ZC3H12B: variants seen among roughly 807,000 people sequenced by gnomAD.
ZC3H12B encodes zinc finger CCCH-type containing 12B.
Under a neutral mutation model 43.9 loss-of-function variants are expected in ZC3H12B, and 7 were observed. The observed-to-expected ratio is 0.16, with a 90% confidence interval of 0.09 to 0.30. The LOEUF (loss-of-function observed/expected upper bound fraction) is 0.30, where lower values mean the gene tolerates loss of function less well. ZC3H12B is among the 10% of genes least tolerant of loss of function. The pLI is 1.00. For missense variants in ZC3H12B, 475 were observed against 670.2 expected (o/e 0.71, Z 3.22); for synonymous variants, 222 against 241.7 (o/e 0.92, Z 0.76).
the ZC3H12B span, among the ~76,000 whole-genome samples, chrX:65,241,392 C>A: frequency 9.0e-6 from 1 of 110,548 alleles, no homozygotes; most frequent in South Asian, 3.9e-4. Flanking sequence ...CACCTGGACT[C>A]CCTGGAGCCG....
At chrX:65,218,904 C>A in the ZC3H12B span, among the ~76,000 whole-genome samples, 1 of 111,808 alleles carries the variant, frequency 8.9e-6, no homozygotes, top group African/African-American at 3.3e-5. Context: ...AACCAAGGAC[C>A]CTCACAGAGT....
chrX:65,058,026 G>A, the ZC3H12B span, among the ~76,000 whole-genome samples: 5 of 111,772 alleles, frequency 4.5e-5, no homozygotes, highest in Non-Finnish European at 3.8e-5. Context: ...CGATGTGTTC[G>A]AACTTCCTCC....
At chrX:65,174,288 T>C in the ZC3H12B span, among the ~76,000 whole-genome samples, 4 of 112,187 alleles carry the variant, frequency 3.6e-5, no homozygotes, top group Admixed American at 3.8e-4. Flanking sequence ...GTTGGAAGAA[T>C]ACTCCTTGTT....
At chrX:65,176,050 A>T in the ZC3H12B span, among the ~76,000 whole-genome samples, 3 of 108,551 alleles carry the variant, frequency 2.8e-5, no homozygotes, top group African/African-American at 1.0e-4. Flanking sequence ...ACCATTCACT[A>T]CCCTGGAAAG....
At chrX:65,496,354 T>C (rs2068281875) in intron 1 of ZC3H12B, among the ~76,000 whole-genome samples, 1 of 112,208 alleles carries the variant, frequency 8.9e-6, no homozygotes, top group Admixed American at 9.5e-5. Flanking sequence ...TTAATATATA[T>C]GTGCTTAAGA....
chrX:65,327,495 T>C, the ZC3H12B span, among the ~76,000 whole-genome samples: 1 of 111,090 alleles, frequency 9.0e-6, no homozygotes, highest in African/African-American at 3.3e-5. Flanking sequence ...TCTCCAACAA[T>C]CTGAGCAAAG....
intron 3 of ZC3H12B, among the ~76,000 whole-genome samples, chrX:65,421,440 C>G (rs999408393): frequency 1.8e-5 from 2 of 112,062 alleles, no homozygotes; most frequent in African/African-American, 3.2e-5. Context: ...TTTATCGGCA[C>G]GATCAGCCAA....
the ZC3H12B span, among the ~76,000 whole-genome samples, chrX:65,073,459 C>A: frequency 3.6e-5 from 4 of 112,278 alleles, no homozygotes; most frequent in African/African-American, 9.7e-5. Context: ...TGCAGCCAGG[C>A]TGGGGCCCTG....
the ZC3H12B span, among the ~76,000 whole-genome samples, chrX:65,157,887 G>A: frequency 9.9e-6 from 1 of 100,677 alleles, no homozygotes; most frequent in Non-Finnish European, 2.0e-5. Context: ...TCGTCATTTA[G>A]CATTAGGTAT....
At chrX:65,251,041 G>T in the ZC3H12B span, among the ~76,000 whole-genome samples, 1 of 111,781 alleles carries the variant, frequency 8.9e-6, no homozygotes, top group African/African-American at 3.3e-5. Context: ...GTATTGCCTA[G>T]GTTTTCTTCT....
At chrX:65,076,463 T>C in the ZC3H12B span, among the ~76,000 whole-genome samples, 2 of 111,928 alleles carry the variant, frequency 1.8e-5, no homozygotes, top group East Asian at 5.6e-4. Flanking sequence ...CTTGTTATTA[T>C]TTAAATACTA....
chrX:65,490,099 G>C (rs761845296), intron 1 of ZC3H12B, among the ~76,000 whole-genome samples: 1 of 111,590 alleles, frequency 9.0e-6, no homozygotes. Context: ...TAGCCCCCTA[G>C]AGATGTCCAC....
chrX:65,082,972 T>C, the ZC3H12B span, among the ~76,000 whole-genome samples: 1 of 110,505 alleles, frequency 9.0e-6, no homozygotes, highest in African/African-American at 3.3e-5. Flanking sequence ...CAATCAATGA[T>C]GTACATCATA....
the ZC3H12B span, among the ~76,000 whole-genome samples, chrX:65,054,317 T>A: frequency 8.9e-6 from 1 of 111,864 alleles, no homozygotes; most frequent in African/African-American, 3.3e-5. Flanking sequence ...AGTTTCAGCT[T>A]TCTACATATG....
the ZC3H12B span, among the ~76,000 whole-genome samples, chrX:65,132,253 C>A: frequency 8.9e-6 from 1 of 111,858 alleles, no homozygotes; most frequent in Non-Finnish European, 1.9e-5. Flanking sequence ...AGATCCTGAA[C>A]TAACCTGTAA....
intron 1 of ZC3H12B, among the ~76,000 whole-genome samples, chrX:65,493,693 C>A (rs1054250316): frequency 1.3e-4 from 14 of 111,441 alleles, no homozygotes; most frequent in Non-Finnish European, 2.4e-4. Flanking sequence ...GGCTTGGGAA[C>A]CTGGATCATG....
At chrX:65,390,466 T>C (rs1569390284) in intron 2 of ZC3H12B, among the ~76,000 whole-genome samples, 1 of 111,346 alleles carries the variant, frequency 9.0e-6, no homozygotes, top group African/African-American at 3.3e-5. Context: ...ACAAAACTTA[T>C]AGGAAGAGGC....
intron 3 of ZC3H12B, among the ~76,000 whole-genome samples, chrX:65,437,863 A>G (rs920595489): frequency 8.9e-6 from 1 of 112,017 alleles, no homozygotes; most frequent in Non-Finnish European, 1.9e-5. Flanking sequence ...TTCTCTTTTA[A>G]TAGTTTCATA....
chrX:65,329,648 G>A, the ZC3H12B span, among the ~76,000 whole-genome samples: 13 of 110,683 alleles, frequency 1.2e-4, no homozygotes, highest in African/African-American at 4.0e-4. Context: ...GAATGGTATT[G>A]CCTAGGTTTT....
Sources: allele counts gnomAD v4.1 joint callset (sites outside exome capture counted in the v4.1 genomes callset), GRCh38; gene constraint gnomAD v4.1.1; transcripts MANE v1.5; gene names NCBI Gene and HGNC (gene_info 2026-07-23, HGNC 2026-07-21).